ZFHX3: variants seen among roughly 807,000 people sequenced by gnomAD.
ZFHX3 encodes the protein zinc finger homeobox 3.
Under a neutral mutation model 279.1 loss-of-function variants are expected in ZFHX3, and 42 were observed. The observed-to-expected ratio is 0.15, with a 90% CI of 0.12 to 0.19. The LOEUF (loss-of-function observed/expected upper bound fraction) is 0.19. Among genes scored for constraint, ZFHX3 ranks in the 10% least tolerant of loss-of-function variants. The pLI is 1.00. For synonymous variants in ZFHX3, 2,293 were observed against 1,957.8 expected, an observed-to-expected ratio of 1.17 and a Z score of -4.52; for missense variants, 4,981 against 4,754.0, an observed-to-expected ratio of 1.05 and a Z score of -1.40.
At chr16:72,895,190 G>C (rs898436045) in intron 3 of ZFHX3, among the ~76,000 whole-genome samples, 1 of 152,204 alleles carries the variant, frequency 6.6e-6, no homozygotes, top group Non-Finnish European at 1.5e-5. Flanking sequence ...TTAACCTGCA[G>C]GTGATGCAGG....
chr16:73,338,222 C>G (rs2015955233), intron 3 of ZFHX3, among the ~76,000 whole-genome samples: 1 of 152,042 alleles, frequency 6.6e-6, no homozygotes, highest in Admixed American at 6.6e-5. Context: ...GCCTAGCAAT[C>G]CCCACCACAC....
rs145422809 is a variant in ZFHX3, at chr16:73,789,759, TTC to T, written c.-1608+101890_-1608+101891del. ...AATGTGCTTCTTGGGCTTCAAAAATTTCTCTCTCTCTCTTTCTAAAATGGACA... is the reference window on the plus strand; with the variant it reads ...AATGTGCTTCTTGGGCTTCAAAAATTTCTCTCTCTCTTTCTAAAATGGACA... On this transcript the variant is annotated intron_variant, in intron 1 of 17. Transcript: ENST00000641206. Among the ~76,000 whole-genome samples, 1,016 of 152,024 alleles carry T rather than the reference TTC, an allele frequency of 6.7e-3. 4 individuals carry two copies. Among genetic ancestry groups the T allele is most frequent in the Non-Finnish European group, 0.011 (723 of 67,960 alleles).
chr16:73,325,695 G>A (rs983370372), intron 3 of ZFHX3, among the ~76,000 whole-genome samples: 2 of 151,990 alleles, frequency 1.3e-5, no homozygotes, highest in Middle Eastern at 3.2e-3. Flanking sequence ...ATTTATCCAT[G>A]CCAATTAAAA....
chr16:73,624,237 CAAGA>C (rs1359564348), intron 2 of ZFHX3, among the ~76,000 whole-genome samples: 1 of 151,926 alleles, frequency 6.6e-6, no homozygotes, highest in Non-Finnish European at 1.5e-5. Context: ...CATGAAGTTC[CAAGA>C]AAGGAAAAAT....
intron 1 of ZFHX3, among the ~76,000 whole-genome samples, chr16:73,833,536 T>C (rs993284517): frequency 6.6e-6 from 1 of 151,472 alleles, no homozygotes; most frequent in Non-Finnish European, 1.5e-5. Context: ...TTCTCACTCA[T>C]AAGTGGGAGT....
intron 3 of ZFHX3, among the ~76,000 whole-genome samples, chr16:72,922,309 A>G (rs1013746476): frequency 1.3e-5 from 2 of 152,038 alleles, no homozygotes; most frequent in Admixed American, 1.3e-4. Context: ...TTAACCCTCC[A>G]TCCTCTCCTA....
chr16:72,811,449 G>A, intron 7 of ZFHX3, 128 bp downstream of exon 7: 2 of 1,022,262 alleles, frequency 2.0e-6, no homozygotes, highest in Non-Finnish European at 2.8e-6. Flanking sequence ...CACAGAACAA[G>A]GACTGTTTTC....
intron 3 of ZFHX3, among the ~76,000 whole-genome samples, chr16:73,321,797 G>A (rs191653927): frequency 6.6e-6 from 1 of 152,094 alleles, no homozygotes; most frequent in Non-Finnish European, 1.5e-5. Context: ...TCCCCCAAAG[G>A]GTAGGCGGGT....
chr16:72,924,886 T>C (rs1234954293), intron 3 of ZFHX3, among the ~76,000 whole-genome samples: 2 of 152,240 alleles, frequency 1.3e-5, no homozygotes, highest in Non-Finnish European at 1.5e-5. Context: ...TTCTGTCCTA[T>C]GGGACTTCAG....
intron 1 of ZFHX3, among the ~76,000 whole-genome samples, chr16:73,853,018 C>T (rs866871179): frequency 3.9e-5 from 6 of 151,984 alleles, no homozygotes; most frequent in Non-Finnish European, 7.4e-5. Context: ...GAGCAGAGGA[C>T]CTGAACAGAC....
intron 4 of ZFHX3, among the ~76,000 whole-genome samples, chr16:72,840,694 T>C (rs1818213354): frequency 6.6e-6 from 1 of 152,182 alleles, no homozygotes; most frequent in South Asian, 2.1e-4. Flanking sequence ...CTCTAACCTA[T>C]TCAGAAAACA....
intron 7 of ZFHX3, among the ~76,000 whole-genome samples, chr16:73,105,535 T>C (rs1431724882): frequency 6.6e-6 from 1 of 151,516 alleles, no homozygotes; most frequent in African/African-American, 2.4e-5. Flanking sequence ...GCGGATCACT[T>C]GAGGTCAGGA....
At chr16:73,045,819 T>G (rs1965278571) in intron 1 of ZFHX3, among the ~76,000 whole-genome samples, 2 of 145,294 alleles carry the variant, frequency 1.4e-5, no homozygotes, top group African/African-American at 2.6e-5. Flanking sequence ...GGGGGGTTGT[T>G]GAGAGAGGGA....
At chr16:73,057,367 A>G (rs1421894540) in intron 1 of ZFHX3, among the ~76,000 whole-genome samples, 1 of 152,206 alleles carries the variant, frequency 6.6e-6, no homozygotes, top group African/African-American at 2.4e-5. Context: ...CAACTTAATT[A>G]TATACACTGC....
chr16:73,105,887 T>C (rs1395386877), intron 7 of ZFHX3, among the ~76,000 whole-genome samples: 1 of 152,072 alleles, frequency 6.6e-6, no homozygotes, highest in Non-Finnish European at 1.5e-5. Context: ...ATCCAGCTTT[T>C]CTTTCACCCC....
chr16:72,872,147 G>A (rs2038177559), intron 4 of ZFHX3, among the ~76,000 whole-genome samples: 1 of 151,852 alleles, frequency 6.6e-6, no homozygotes, highest in Admixed American at 6.6e-5. Context: ...ATTAAAATAA[G>A]ATTCCTAACA....
intron 2 of ZFHX3, among the ~76,000 whole-genome samples, chr16:73,644,975 A>T (rs1207352392): frequency 6.6e-6 from 1 of 152,170 alleles, no homozygotes. Context: ...GAATGCATTG[A>T]TGAGGAAATA....
intron 8 of ZFHX3, among the ~76,000 whole-genome samples, chr16:73,071,483 G>C (rs549521421): frequency 1.3e-5 from 2 of 151,956 alleles, no homozygotes; most frequent in African/African-American, 4.8e-5. Context: ...TGCTGCCGCC[G>C]CCGCCGCCGC....
intron 1 of ZFHX3, among the ~76,000 whole-genome samples, chr16:73,839,725 G>A (rs1033274855): frequency 1.3e-5 from 2 of 152,146 alleles, no homozygotes; most frequent in East Asian, 1.9e-4. Context: ...TGGTTCCTCC[G>A]CACCCGTGAA....
Sources: gnomAD v4.1 joint callset for allele counts (sites outside exome capture counted in the v4.1 genomes callset) on GRCh38, gnomAD v4.1.1 for gene constraint, MANE v1.5 for transcripts, NCBI Gene and HGNC (gene_info 2026-07-23, HGNC 2026-07-21) for gene names.